AVEN: variants seen among roughly 807,000 people sequenced by gnomAD.
The protein encoded by AVEN is apoptosis and caspase activation inhibitor.
In AVEN, 41 loss-of-function variants were observed where a neutral mutation model predicts 38.1. The observed-to-expected ratio is 1.08, with a 90% CI of 0.84 to 1.40. The LOEUF (loss-of-function observed/expected upper bound fraction) is 1.40. Ranked by LOEUF, AVEN falls within the 40% of genes most tolerant of loss-of-function variation. The probability of loss-of-function intolerance (pLI) is 0.00; values close to 1 mark genes in which losing one functional copy is unlikely to be tolerated. For missense variants in AVEN, 605 were observed against 438.8 expected (o/e 1.38, Z -3.38); for synonymous variants, 206 against 171.8 (o/e 1.20, Z -1.56).
At chr15:33,922,557 C>T (rs1567415264) in intron 2 of AVEN, among the ~76,000 whole-genome samples, 1 of 152,126 alleles carries the variant, frequency 6.6e-6, no homozygotes, top group Non-Finnish European at 1.5e-5. Flanking sequence ...GCCTCAGCCT[C>T]CTGAGCAGCT....
intron 2 of AVEN, among the ~76,000 whole-genome samples, chr15:33,882,603 A>C (rs1043021583): frequency 6.6e-6 from 1 of 151,908 alleles, no homozygotes; most frequent in African/African-American, 2.4e-5. Context: ...ACAGTGGCTT[A>C]CGCCTGTAAT....
At chr15:33,961,812 C>CAAAAAAAA (rs138076873) in intron 2 of AVEN, among the ~76,000 whole-genome samples, 1 of 71,964 alleles carries the variant, frequency 1.4e-5, no homozygotes. Flanking sequence ...GACTCTGTCT[C>CAAAAAAAA]AAAAAAAAAA....
At chr15:33,922,364 C>G (rs868793573) in intron 2 of AVEN, among the ~76,000 whole-genome samples, 1 of 152,166 alleles carries the variant, frequency 6.6e-6, no homozygotes, top group Non-Finnish European at 1.5e-5. Context: ...GAGGACTACT[C>G]GTATTCCTGA....
At chr15:33,853,435 T>C in the AVEN span, 6 of 1,263,616 alleles carry the variant, frequency 4.7e-6, no homozygotes, top group Non-Finnish European at 6.4e-6. Flanking sequence ...TTTTGAACTA[T>C]GTCTTCATCT....
chr15:33,870,815 T>A, intron 4 of AVEN, 120 bp downstream of exon 4: 1 of 640,004 alleles, frequency 1.6e-6, no homozygotes, highest in Non-Finnish European at 2.4e-6. Flanking sequence ...TACCTTGATA[T>A]GAAACCCTCA....
chr15:34,064,411 G>T, intron 4 of AVEN: 10 of 1,400,118 alleles, frequency 7.1e-6, no homozygotes, highest in Non-Finnish European at 9.5e-6. Flanking sequence ...TCAAAAAGAA[G>T]ACATCTCATT....
At chr15:33,896,513 C>G (rs6495319) in intron 2 of AVEN, among the ~76,000 whole-genome samples, 124,706 of 152,144 alleles carry the variant, frequency 0.82, 55,193 homozygotes, top group Non-Finnish European at 0.98. Context: ...CCAGTGGTGT[C>G]CAGGAGAACT....
intron 2 of AVEN, among the ~76,000 whole-genome samples, chr15:33,878,222 G>A (rs992648319): frequency 2.6e-5 from 4 of 151,988 alleles, no homozygotes; most frequent in Non-Finnish European, 4.4e-5. Flanking sequence ...TATATGAAAC[G>A]AAGATATGCT....
At chr15:33,960,480 T>C (rs1005383398) in intron 2 of AVEN, among the ~76,000 whole-genome samples, 1 of 152,066 alleles carries the variant, frequency 6.6e-6, no homozygotes, top group Non-Finnish European at 1.5e-5. Flanking sequence ...CCACTTCCAC[T>C]AGAAATATTT....
At chr15:34,018,671 G>T (rs1371316786) in intron 1 of AVEN, among the ~76,000 whole-genome samples, 2 of 152,304 alleles carry the variant, frequency 1.3e-5, no homozygotes, top group East Asian at 3.9e-4. Context: ...AATGGAAAGG[G>T]ACTCCAGTGG....
intron 2 of AVEN, among the ~76,000 whole-genome samples, chr15:33,905,377 C>T (rs1478750377): frequency 3.9e-5 from 6 of 152,156 alleles, no homozygotes; most frequent in African/African-American, 1.4e-4. Context: ...ATAAGGCTAT[C>T]TGTAGGGTGA....
At chr15:33,987,099 T>C (rs1209878854) in intron 2 of AVEN, among the ~76,000 whole-genome samples, 1 of 152,230 alleles carries the variant, frequency 6.6e-6, no homozygotes, top group Non-Finnish European at 1.5e-5. Flanking sequence ...TATTCATAAT[T>C]CATTAGCATT....
chr15:33,861,079 C>G (rs1317074809), intron 11 of AVEN: 1 of 1,580,448 alleles, frequency 6.3e-7, no homozygotes, highest in African/African-American at 1.3e-5. Context: ...TTTTCTTAGA[C>G]TAAATGTTTC....
chr15:33,940,766 T>C (rs972599782), intron 2 of AVEN, among the ~76,000 whole-genome samples: 1 of 152,104 alleles, frequency 6.6e-6, no homozygotes, highest in Non-Finnish European at 1.5e-5. Context: ...GGTCTCAAAC[T>C]CTTGACCACG....
At chr15:33,877,364 G>GTT (rs1419215952) in intron 2 of AVEN, among the ~76,000 whole-genome samples, 8 of 152,342 alleles carry the variant, frequency 5.3e-5, no homozygotes, top group African/African-American at 1.7e-4. Flanking sequence ...CATCAACACT[G>GTT]AAAAGCAGGG....
intron 2 of AVEN, among the ~76,000 whole-genome samples, chr15:33,912,058 C>G (rs1430239616): frequency 1.3e-5 from 2 of 152,222 alleles, no homozygotes; most frequent in African/African-American, 4.8e-5. Flanking sequence ...TCTTTGGAAA[C>G]AGCATGAGGT....
chr15:33,891,196 C>T (rs189302395), intron 2 of AVEN, among the ~76,000 whole-genome samples: 36 of 151,828 alleles, frequency 2.4e-4, no homozygotes, highest in African/African-American at 8.2e-4. Flanking sequence ...TTTATCCCCA[C>T]AGAAATTTTG....
intron 1 of AVEN, among the ~76,000 whole-genome samples, chr15:34,028,320 T>G (rs1162403576): frequency 6.6e-6 from 1 of 152,202 alleles, no homozygotes; most frequent in Admixed American, 6.5e-5. Flanking sequence ...GTCCCAGCAC[T>G]TTGGGAAGCC....
intron 2 of AVEN, among the ~76,000 whole-genome samples, chr15:33,958,930 G>A (rs1214584206): frequency 6.6e-6 from 1 of 151,974 alleles, no homozygotes; most frequent in East Asian, 1.9e-4. Flanking sequence ...CTCCATAGTG[G>A]GGCACCAAAA....
Sources: gnomAD v4.1 joint callset for allele counts (sites outside exome capture counted in the v4.1 genomes callset) on GRCh38, gnomAD v4.1.1 for gene constraint, MANE v1.5 for transcripts, NCBI Gene and HGNC (gene_info 2026-07-23, HGNC 2026-07-21) for gene names.